The following GLI3 variants were observed in gnomAD, a reference collection of about 807,000 sequenced individuals.
GLI3 encodes the protein transcription activator GLI3.
Under a neutral mutation model 100.8 loss-of-function variants are expected in GLI3, and 20 were observed. That is an observed-to-expected ratio of 0.20 (90% confidence interval 0.14 to 0.29). GLI3 has a LOEUF of 0.29. Among genes scored for constraint, GLI3 ranks in the 10% least tolerant of loss-of-function variants. The pLI is 1.00. For missense variants in GLI3, 2,040 were observed against 2,128.5 expected (o/e 0.96, Z 0.82); for synonymous variants, 938 against 860.5 (o/e 1.09, Z -1.58).
intron 10 of GLI3, among the ~76,000 whole-genome samples, chr7:41,980,265 C>T (rs1562667970): frequency 6.6e-6 from 1 of 152,190 alleles, no homozygotes; most frequent in African/African-American, 2.4e-5. Context: ...AGCCATGCTC[C>T]ATGTCAGTGT....
At chr7:42,184,638 T>C (rs62443806) in intron 2 of GLI3, among the ~76,000 whole-genome samples, 19,341 of 152,202 alleles carry the variant, frequency 0.13, 1,610 homozygotes, top group Non-Finnish European at 0.19. Flanking sequence ...TATGGTGACA[T>C]CATGATGCCC....
rs28602464 is a variant in GLI3, at chr7:42,060,133, G to C, written c.474-11437C>G. 4.0e-3 allele frequency among the ~76,000 whole-genome samples: 606 copies of C among 152,344 alleles called. 5 individuals carry two copies. Among genetic ancestry groups the C allele is most frequent in the African/African-American group, 0.013 (558 of 41,592 alleles). ...TTTTTAACAGGGAAGTATACAGAAA[G>C]CATGTAGCCTGGTGACTGTCACATG... On this transcript the variant is annotated intron_variant, in intron 4 of 14. Transcript: ENST00000395925.
intron 3 of GLI3, among the ~76,000 whole-genome samples, chr7:42,091,482 C>T (rs1438660100): frequency 6.6e-6 from 1 of 152,242 alleles, no homozygotes; most frequent in Non-Finnish European, 1.5e-5. Context: ...ACGGGCCAGA[C>T]ATCAACCCCA....
intron 3 of GLI3, chr7:42,113,768 G>A: frequency 3.7e-6 from 2 of 533,912 alleles, no homozygotes; most frequent in Non-Finnish European, 6.8e-6. Context: ...GTTGTTTTTG[G>A]AGGACAGGAT....
chr7:42,186,673 A>G (rs1787722414), intron 2 of GLI3, among the ~76,000 whole-genome samples: 1 of 152,176 alleles, frequency 6.6e-6, no homozygotes, highest in African/African-American at 2.4e-5. Flanking sequence ...CATTTACAAC[A>G]AATCCAGTTG....
At chr7:42,074,034 C>A (rs899103693) in intron 4 of GLI3, among the ~76,000 whole-genome samples, 1 of 152,168 alleles carries the variant, frequency 6.6e-6, no homozygotes, top group Non-Finnish European at 1.5e-5. Context: ...ACTTATCATA[C>A]CTCAGAAGGT....
intron 2 of GLI3, among the ~76,000 whole-genome samples, chr7:42,164,829 CAAATAAAT>C (rs71006459): frequency 1.4e-5 from 2 of 148,138 alleles, no homozygotes; most frequent in African/African-American, 5.0e-5. Flanking sequence ...GACTATGTGT[CAAATAAAT>C]AAATAAATAA....
At chr7:42,041,644 T>G (rs1784140599) in intron 6 of GLI3, among the ~76,000 whole-genome samples, 1 of 152,092 alleles carries the variant, frequency 6.6e-6, no homozygotes, top group Non-Finnish European at 1.5e-5. Context: ...TCTTTCTTTA[T>G]TTAAAAAAAA....
Position 42,148,304 on chromosome 7 carries a change from C to A in GLI3, c.289G>T (p.Val97Leu), listed in dbSNP as rs746891909. 1.2e-6 allele frequency: 2 copies of A among 1,613,372 alleles called. No individual in the cohort carries two copies. ...KKEIHGSLPH[V>L]AEPSVPYRGT... Reference sequence around the variant, plus strand: ...CGGTACGGCACAGAGGGCTCCGCCACGTGTGGCAGGGACCCATGGATCTCT... The same window carrying A: ...CGGTACGGCACAGAGGGCTCCGCCAAGTGTGGCAGGGACCCATGGATCTCT... Residue 97 changes from valine to leucine, a missense_variant, in exon 3 of 15, where the codon GTG becomes TTG. Around this residue, in one of 5 missense-constraint regions of GLI3, gnomAD observed 603 missense variants for 690.9 expected, o/e 0.87. Coordinates refer to ENST00000395925, the MANE Select transcript of GLI3 (RefSeq NM_000168.6).
intron 3 of GLI3, among the ~76,000 whole-genome samples, chr7:42,109,173 T>C (rs1785645030): frequency 6.6e-6 from 1 of 152,186 alleles, no homozygotes; most frequent in Admixed American, 6.5e-5. Context: ...CTACAATCTT[T>C]TGTTTTCCCA....
At chr7:42,230,536 CA>C (rs1171142818) in intron 1 of GLI3, among the ~76,000 whole-genome samples, 2 of 152,228 alleles carry the variant, frequency 1.3e-5, no homozygotes, top group Admixed American at 6.5e-5. Flanking sequence ...GCTTATTTGA[CA>C]TGAAAGTAAT....
chr7:41,987,162 C>G (rs1787854826), intron 10 of GLI3, among the ~76,000 whole-genome samples: 1 of 147,882 alleles, frequency 6.8e-6, no homozygotes, highest in South Asian at 2.1e-4. Context: ...AAAGTGGAAC[C>G]TATTTTATTT....
intron 10 of GLI3, among the ~76,000 whole-genome samples, chr7:42,020,846 C>T (rs530959257): frequency 1.4e-5 from 2 of 145,518 alleles, no homozygotes; most frequent in Admixed American, 1.4e-4. Flanking sequence ...GCCGAGATCG[C>T]GCCACTGCAC....
intron 3 of GLI3, among the ~76,000 whole-genome samples, chr7:42,112,964 G>A (rs1785751100): frequency 6.6e-6 from 1 of 152,148 alleles, no homozygotes; most frequent in African/African-American, 2.4e-5. Flanking sequence ...CTTGAGGTCA[G>A]GAGTTCGAGA....
rs1787015345 is a variant in GLI3 at position 41,961,635 on chromosome 7, A to T, written c.*2695T>A. The T allele has an allele frequency of 1.3e-5, 2 of 152,152 alleles. No individual in the cohort carries two copies. The highest frequency in any genetic ancestry group is 1.3e-4 in the Admixed American group (2 of 15,294). The allele number at this position is 152,152 out of a possible 1,614,324, so 9.4% of individuals were successfully genotyped here. A position where few individuals can be genotyped will look rare whatever the true frequency, so the allele number is the denominator to read the frequency against. Reference sequence around the variant, plus strand: ...GCCTGCATGTTTTAGAAAAGGCAGGATGGTGACACTAGTGAGGCGGTCCTC... The same window carrying T: ...GCCTGCATGTTTTAGAAAAGGCAGGTTGGTGACACTAGTGAGGCGGTCCTC... On this transcript the variant is annotated 3_prime_UTR_variant, in exon 15 of 15. Coordinates refer to ENST00000395925, the MANE Select transcript of GLI3 (RefSeq NM_000168.6).
chr7:42,243,633 G>A (rs967450735), intron 1 of GLI3, among the ~76,000 whole-genome samples: 1 of 152,162 alleles, frequency 6.6e-6, no homozygotes, highest in African/African-American at 2.4e-5. Context: ...GTAAATAAAG[G>A]AGTGGATCTA....
In GLI3 at chr7:41,962,037, A is replaced by G. The variant is rs546617661; in HGVS notation, c.*2293T>C. ...AAAATAACCTGAAACCATAGGAAAGAGCAGAAGCACAAGACAACAACAGTG... is the reference window on the plus strand; with the variant it reads ...AAAATAACCTGAAACCATAGGAAAGGGCAGAAGCACAAGACAACAACAGTG... On this transcript the variant is annotated 3_prime_UTR_variant, in exon 15 of 15. Coordinates refer to ENST00000395925, the MANE Select transcript of GLI3 (RefSeq NM_000168.6). 4 of 152,360 alleles carry G rather than the reference A, an allele frequency of 2.6e-5. No homozygotes were observed. Among genetic ancestry groups the G allele is most frequent in the Admixed American group, 1.3e-4 (2 of 15,304 alleles). The allele number at this position is 152,360 out of a possible 1,614,324, so 9.4% of individuals were successfully genotyped here. A position where few individuals can be genotyped will look rare whatever the true frequency, so the allele number is the denominator to read the frequency against.
intron 3 of GLI3, among the ~76,000 whole-genome samples, chr7:42,119,374 AC>A (rs1297605312): frequency 6.6e-6 from 1 of 152,162 alleles, no homozygotes; most frequent in Non-Finnish European, 1.5e-5. Context: ...ACCATCCCAA[AC>A]CATCCTTGCC....
At chr7:41,967,136 C>T (rs1282833381) in intron 14 of GLI3, among the ~76,000 whole-genome samples, 14 of 152,216 alleles carry the variant, frequency 9.2e-5, no homozygotes, top group African/African-American at 3.4e-4. Flanking sequence ...CAGGCAAGAG[C>T]TTCACCCCTT....
Sources: allele counts gnomAD v4.1 joint callset (sites outside exome capture counted in the v4.1 genomes callset), GRCh38; gene constraint gnomAD v4.1.1; regional missense constraint gnomAD v4.1.1; transcripts MANE v1.5; gene names NCBI Gene and HGNC (gene_info 2026-07-23, HGNC 2026-07-21).